DNM3: variants seen among roughly 807,000 people sequenced by gnomAD.
DNM3 encodes the protein dynamin 3.
DNM3 carries 47 observed loss-of-function variants against 101.6 expected under a neutral mutation model. The ratio of observed to expected loss-of-function variants is 0.46; its 90% CI spans 0.37 to 0.59. The LOEUF (loss-of-function observed/expected upper bound fraction) is 0.59, where lower values mean the gene tolerates loss of function less well. Ranked by LOEUF, DNM3 falls within the 20% of genes least tolerant of loss-of-function variation. The pLI is 0.00. For synonymous variants in DNM3, 385 were observed against 387.9 expected, an observed-to-expected ratio of 0.99 and a Z score of 0.09; for missense variants, 849 against 1,085.7, an observed-to-expected ratio of 0.78 and a Z score of 3.06.
At chr1:172,116,483 T>C (rs2055901322) in intron 13 of DNM3, among the ~76,000 whole-genome samples, 1 of 152,134 alleles carries the variant, frequency 6.6e-6, no homozygotes, top group Non-Finnish European at 1.5e-5. Flanking sequence ...CCAAAGCCAG[T>C]CCAGCATGGA....
At chr1:172,120,584 C>T (rs1461112978) in intron 13 of DNM3, among the ~76,000 whole-genome samples, 2 of 152,210 alleles carry the variant, frequency 1.3e-5, no homozygotes, top group Non-Finnish European at 2.9e-5. Flanking sequence ...AGGAGGCTCA[C>T]TCTTGCTTTA....
chr1:172,332,011 T>A (rs201419528), intron 17 of DNM3, among the ~76,000 whole-genome samples: 2 of 151,666 alleles, frequency 1.3e-5, no homozygotes, highest in East Asian at 3.9e-4. Flanking sequence ...GGATTTGATA[T>A]GAAAAAATGA....
chr1:172,205,724 A>C (rs1363059927), intron 14 of DNM3, among the ~76,000 whole-genome samples: 2 of 152,136 alleles, frequency 1.3e-5, no homozygotes, highest in African/African-American at 4.8e-5. Context: ...TATGAAGAAA[A>C]TTCAGCCTGT....
At position 172,235,357 on chromosome 1, in the gene DNM3, G is replaced by T. The variant is rs2061498872; in HGVS notation, c.1660-18216G>T. Among the ~76,000 whole-genome samples the T allele has an allele frequency of 2.0e-5, 3 of 152,188 alleles. No homozygotes were observed. In the East Asian group the frequency reaches 5.8e-4, roughly 29 times the overall value. ...AAAAGTCAGGAAACAACAGGTGCTG[G>T]AGAGGATGTGGAGAAACAGGAACAC... On this transcript the variant is annotated intron_variant, in intron 14 of 20. Transcript: ENST00000627582.
Position 172,278,899 on chromosome 1 carries a change from C to T in DNM3, c.1769+25217C>T, listed in dbSNP as rs867344069. Among the ~76,000 whole-genome samples the T allele has an allele frequency of 1.2e-4, 18 of 152,222 alleles. No individual in the cohort carries two copies. The South Asian group carries it at 1.9e-3, about 16-fold the overall frequency. On this transcript the variant is annotated intron_variant, in intron 15 of 20. Transcript: ENST00000627582. ...TTTCTATTATCACTGCGACTTTTCC[C>T]GGGACACAAGATCAGTCTCCCCATG...
At chr1:172,007,232 A>G (rs957144429) in intron 4 of DNM3, among the ~76,000 whole-genome samples, 2 of 152,138 alleles carry the variant, frequency 1.3e-5, no homozygotes, top group African/African-American at 4.8e-5. Flanking sequence ...GTTCTCCAAA[A>G]TGGTTGTACA....
intron 14 of DNM3, among the ~76,000 whole-genome samples, chr1:172,156,109 G>T (rs1048641589): frequency 6.6e-6 from 1 of 152,080 alleles, no homozygotes; most frequent in African/African-American, 2.4e-5. Flanking sequence ...ATCTGTGGAA[G>T]CTTTCAGCAT....
intron 14 of DNM3, among the ~76,000 whole-genome samples, chr1:172,229,305 T>A (rs956551126): frequency 2.0e-5 from 3 of 152,206 alleles, no homozygotes; most frequent in African/African-American, 7.2e-5. Flanking sequence ...TGGAGTGACT[T>A]ATTGTGTAAT....
chr1:171,944,867 T>TTTTTTTTTTTTTTTTTTTTTTGG lies in DNM3; in HGVS notation c.235+23060_235+23061insTTTTTTTGGTTTTTTTTTTTTTT, dbSNP rs2042069015. On this transcript the variant is annotated intron_variant, in intron 2 of 20. Coordinates refer to ENST00000627582, the MANE Select transcript of DNM3 (RefSeq NM_015569.5). ...TTTTTGGTGTTTCCTTTTTTTTTTT[T>TTTTTTTTTTTTTTTTTTTTTTGG]TTTTTTTTTTTTTTGAGGCAGGGTC... Among the ~76,000 whole-genome samples the TTTTTTTTTTTTTTTTTTTTTTGG allele has an allele frequency of 1.6e-5, 2 of 121,562 alleles. 1 individual carries two copies. The highest frequency in any genetic ancestry group is 3.5e-5 in the Non-Finnish European group (2 of 57,530). The allele number at this position is 121,562 out of a possible 152,430, so 79.7% of individuals were successfully genotyped here.
At chr1:172,398,248 C>T (rs964420984) in intron 20 of DNM3, among the ~76,000 whole-genome samples, 1 of 152,114 alleles carries the variant, frequency 6.6e-6, no homozygotes, top group Non-Finnish European at 1.5e-5. Flanking sequence ...TCTGATTTCC[C>T]TTGTTTCTCA....
intron 4 of DNM3, among the ~76,000 whole-genome samples, chr1:172,029,841 A>G (rs2048476380): frequency 6.6e-6 from 1 of 152,176 alleles, no homozygotes; most frequent in Non-Finnish European, 1.5e-5. Flanking sequence ...TAGGAATCCA[A>G]CTTACAAGGC....
At chr1:171,857,094 T>C (rs553881278) in intron 1 of DNM3, among the ~76,000 whole-genome samples, 1 of 152,146 alleles carries the variant, frequency 6.6e-6, no homozygotes. Context: ...TGGGGCCCTA[T>C]GGAGGATTGC....
chr1:172,290,347 T>C (rs1371838632), intron 15 of DNM3, among the ~76,000 whole-genome samples: 2 of 152,134 alleles, frequency 1.3e-5, no homozygotes, highest in East Asian at 3.9e-4. Context: ...GGGATATTAG[T>C]GGATTATCAA....
chr1:171,849,552 C>T (rs890394483), intron 1 of DNM3, among the ~76,000 whole-genome samples: 3 of 152,170 alleles, frequency 2.0e-5, no homozygotes, highest in Non-Finnish European at 4.4e-5. Context: ...TGGAAAATTA[C>T]AGTTGCATCA....
intron 14 of DNM3, among the ~76,000 whole-genome samples, chr1:172,251,462 G>A (rs1335328936): frequency 1.3e-5 from 2 of 151,128 alleles, no homozygotes; most frequent in Non-Finnish European, 3.0e-5. Flanking sequence ...TTCTTCCTTT[G>A]TCAGTCTTCA....
At chr1:171,888,222 T>C (rs2036951496) in intron 1 of DNM3, among the ~76,000 whole-genome samples, 1 of 152,120 alleles carries the variant, frequency 6.6e-6, no homozygotes, top group Admixed American at 6.6e-5. Flanking sequence ...GGTAATGTTA[T>C]ATTTGTAGTA....
rs1470074097 is a variant in DNM3, at chr1:172,408,865, T to C, written c.*1024T>C. 1 of 985,232 alleles carries C rather than the reference T, an allele frequency of 1.0e-6. No individual in the cohort carries two copies. Among genetic ancestry groups the C allele is most frequent in the East Asian group, 1.1e-4 (1 of 8,828 alleles). 61.0% of individuals were successfully genotyped at this position (985,232 alleles called of 1,614,324 possible). On this transcript the variant is annotated 3_prime_UTR_variant, in exon 21 of 21. Coordinates refer to ENST00000627582, the MANE Select transcript of DNM3 (RefSeq NM_015569.5). Reference sequence around the variant, plus strand: ...CCATTCTAGGCTTTCTTAATAAATCTTGAGGCTATGGGATAATCACATTTA... The same window carrying C: ...CCATTCTAGGCTTTCTTAATAAATCCTGAGGCTATGGGATAATCACATTTA...
intron 14 of DNM3, among the ~76,000 whole-genome samples, chr1:172,200,482 A>G (rs2060114789): frequency 6.6e-6 from 1 of 152,160 alleles, no homozygotes; most frequent in African/African-American, 2.4e-5. Flanking sequence ...TTTATGGACA[A>G]TATCCTGAAA....
At chr1:171,906,201 C>G (rs997645808) in intron 1 of DNM3, among the ~76,000 whole-genome samples, 2 of 150,052 alleles carry the variant, frequency 1.3e-5, no homozygotes, top group Non-Finnish European at 2.9e-5. Context: ...GAACATGGCT[C>G]ATTGCGGCCT....
Sources: gnomAD v4.1 joint callset for allele counts (sites outside exome capture counted in the v4.1 genomes callset) on GRCh38, gnomAD v4.1.1 for gene constraint, MANE v1.5 for transcripts, NCBI Gene and HGNC (gene_info 2026-07-23, HGNC 2026-07-21) for gene names.